Variants in RCBTB1 observed in about 807,000 individuals in gnomAD.
The protein encoded by RCBTB1 is RCC1 and BTB domain-containing protein 1.
A neutral mutation model predicts 62.4 loss-of-function variants in RCBTB1; 46 were observed. That is an observed-to-expected ratio of 0.74 (90% CI 0.58 to 0.94). The LOEUF is 0.94. Among genes scored for constraint, RCBTB1 ranks in the 40% least tolerant of loss-of-function variants. The pLI is 0.00. For synonymous variants in RCBTB1, 222 were observed against 245.8 expected (o/e 0.90, Z 0.91); for missense variants, 565 against 654.9 (o/e 0.86, Z 1.50).
At chr13:49,582,656 T>C (rs960817571) in intron 1 of RCBTB1, among the ~76,000 whole-genome samples, 2 of 152,216 alleles carry the variant, frequency 1.3e-5, no homozygotes, top group Non-Finnish European at 2.9e-5. Flanking sequence ...TCTCATTCTC[T>C]CTCCCCGCTG....
At chr13:49,567,622 C>T (rs141095690) in intron 2 of RCBTB1, among the ~76,000 whole-genome samples, 403 of 152,308 alleles carry the variant, frequency 2.6e-3, no homozygotes, top group African/African-American at 9.0e-3. Context: ...CCTCTAAAAA[C>T]AGCCAAAGCA....
chr13:49,536,506 A>G lies in RCBTB1; in HGVS notation c.1456-2244T>C, dbSNP rs563962179. Among the ~76,000 whole-genome samples the G allele has an allele frequency of 7.0e-4, 107 of 152,322 alleles. 2 individuals are homozygous for G. The South Asian group carries it at 0.022, about 31-fold the overall frequency. On this transcript the variant is annotated intron_variant, in intron 12 of 12. Coordinates refer to ENST00000378302, the MANE Select transcript of RCBTB1 (RefSeq NM_018191.4). ...CATTCTGCAAAGGATCAAATCTTCAATAACAGGCAAGAAAATGCAACTCCT... is the reference window on the plus strand; with the variant it reads ...CATTCTGCAAAGGATCAAATCTTCAGTAACAGGCAAGAAAATGCAACTCCT...
chr13:49,534,508 G>C, intron 12 of RCBTB1, among the ~76,000 whole-genome samples: 1 of 151,362 alleles, frequency 6.6e-6, no homozygotes, highest in Admixed American at 6.6e-5. Flanking sequence ...AAACACACAC[G>C]CGCGCGCACA....
chr13:49,546,383 G>C, intron 9 of RCBTB1: 1 of 984,558 alleles, frequency 1.0e-6, no homozygotes, highest in Non-Finnish European at 1.2e-6. Context: ...AGTTATCTAG[G>C]ACAGCAGTCC....
At chr13:49,573,459 T>TG (rs1963548912) in intron 2 of RCBTB1, among the ~76,000 whole-genome samples, 1 of 151,348 alleles carries the variant, frequency 6.6e-6, no homozygotes, top group Non-Finnish European at 1.5e-5. Context: ...TTTTTTTTTT[T>TG]TTTTTTGAGA....
chr13:49,567,441 T>A, intron 2 of RCBTB1, 121 bp from the exon 3 acceptor site: 2 of 693,362 alleles, frequency 2.9e-6, no homozygotes, highest in East Asian at 2.8e-5. Context: ...CTACCTTTGG[T>A]TACATGGATC....
At chr13:49,556,335 C>A (rs1482574906) in intron 5 of RCBTB1, among the ~76,000 whole-genome samples, 2 of 151,776 alleles carry the variant, frequency 1.3e-5, no homozygotes, top group African/African-American at 2.4e-5. Context: ...GGACGACAGG[C>A]GCCCGCCACC....
chr13:49,560,086 T>A lies in RCBTB1; in HGVS notation c.278-2A>T, dbSNP rs1566246174. 1 of 1,610,436 alleles carries A rather than the reference T, an allele frequency of 6.2e-7. No homozygotes were observed. The highest frequency in any genetic ancestry group is 1.1e-5 in the South Asian group (1 of 90,038). On this transcript the variant is annotated splice_acceptor_variant, in intron 4 of 12. Coordinates refer to ENST00000378302, the MANE Select transcript of RCBTB1 (RefSeq NM_018191.4). LOFTEE classifies it high-confidence loss of function. ...GGCCCCAGGCATAAACCACTCCATC[T>A]GTGCACACAAAGCACACAAAAAATC...
intron 12 of RCBTB1, among the ~76,000 whole-genome samples, chr13:49,535,896 A>G (rs1378021742): frequency 1.3e-5 from 2 of 151,838 alleles, no homozygotes; most frequent in African/African-American, 2.4e-5. Context: ...GGTGGCAAGC[A>G]CCTGTAATCC....
chr13:49,533,787 G>T lies in RCBTB1; in HGVS notation c.*335C>A. The T allele has an allele frequency of 5.9e-6, 1 of 170,664 alleles. No individual in the cohort carries two copies. The highest frequency in any genetic ancestry group is 1.6e-4 in the East Asian group (1 of 6,088). The allele number at this position is 170,664 out of a possible 1,614,324, so 10.6% of individuals were successfully genotyped here. A position where few individuals can be genotyped will look rare whatever the true frequency, so the allele number is the denominator to read the frequency against. On this transcript the variant is annotated 3_prime_UTR_variant, in exon 13 of 13. Coordinates refer to ENST00000378302, the MANE Select transcript of RCBTB1 (RefSeq NM_018191.4). ...TGATACGTGGCCCAGGAGAGTTGCT[G>T]CCAACTTCCCCTTTCCAAGTTCAGA... is the stretch of plus-strand genomic sequence containing the variant.
chr13:49,549,156 T>C (rs1232555071), intron 9 of RCBTB1, among the ~76,000 whole-genome samples: 5 of 147,254 alleles, frequency 3.4e-5, no homozygotes, highest in Non-Finnish European at 7.4e-5. Flanking sequence ...AAAAGGTGGA[T>C]GTACAACATT....
At chr13:49,564,890 CAAAAA>C (rs35078637) in intron 4 of RCBTB1, among the ~76,000 whole-genome samples, 3 of 141,662 alleles carry the variant, frequency 2.1e-5, no homozygotes, top group African/African-American at 5.1e-5. Flanking sequence ...GACTCCGTCT[CAAAAA>C]AAAAAAGAAA....
chr13:49,551,383 C>T lies in RCBTB1; in HGVS notation c.797G>A (p.Gly266Glu), dbSNP rs1198890365. The T allele has an allele frequency of 1.2e-6, 2 of 1,614,208 alleles. No individual in the cohort carries two copies. The highest frequency in any genetic ancestry group is 2.2e-5 in the East Asian group (1 of 44,876). Reference protein sequence around the residue: ...AWGANTYGQLGTGNKNNLLSP... With the variant: ...AWGANTYGQLETGNKNNLLSP... Reference sequence around the variant, plus strand: ...TAGCAGGTTATTTTTATTGCCAGTTCCCAGCTGCCCATATGTGTTAGCTCC... The same window carrying T: ...TAGCAGGTTATTTTTATTGCCAGTTTCCAGCTGCCCATATGTGTTAGCTCC... Residue 266 changes from glycine (G) to glutamate (E), a missense_variant, in exon 8 of 13, where the codon GGA becomes GAA. Physicochemically the swap from Gly to Glu is moderately conservative, Grantham distance 98. Transcript: ENST00000378302.
intron 2 of RCBTB1, among the ~76,000 whole-genome samples, chr13:49,572,285 C>A (rs1379186024): frequency 6.6e-6 from 1 of 151,136 alleles, no homozygotes; most frequent in Admixed American, 6.6e-5. Flanking sequence ...CGAGATCATG[C>A]CACTGCACTC....
chr13:49,573,035 G>T (rs1359070403), intron 2 of RCBTB1, among the ~76,000 whole-genome samples: 1 of 152,032 alleles, frequency 6.6e-6, no homozygotes, highest in Non-Finnish European at 1.5e-5. Context: ...GCTATGGTTT[G>T]TCCAAATTAT....
intron 4 of RCBTB1, among the ~76,000 whole-genome samples, chr13:49,565,206 G>A (rs965379063): frequency 3.3e-5 from 5 of 152,178 alleles, no homozygotes; most frequent in Admixed American, 6.5e-5. Flanking sequence ...TGGTGGAGAC[G>A]GGGTTTCGCT....
intron 12 of RCBTB1, among the ~76,000 whole-genome samples, chr13:49,538,828 T>C (rs957826655): frequency 4.6e-5 from 7 of 152,190 alleles, no homozygotes; most frequent in African/African-American, 1.4e-4. Flanking sequence ...GTCTTCTTTC[T>C]ATTCTCTAAT....
intron 4 of RCBTB1, among the ~76,000 whole-genome samples, chr13:49,564,614 G>A (rs1374097807): frequency 3.5e-4 from 47 of 134,356 alleles, no homozygotes; most frequent in Non-Finnish European, 4.7e-4. Context: ...AAAAAATGCC[G>A]GGCGCGGTGG....
chr13:49,537,351 G>A (rs1386201028), intron 12 of RCBTB1, among the ~76,000 whole-genome samples: 1 of 152,186 alleles, frequency 6.6e-6, no homozygotes, highest in Non-Finnish European at 1.5e-5. Context: ...ACCATATGGA[G>A]AAAACATAAT....
Sources: gnomAD v4.1 joint callset for allele counts (sites outside exome capture counted in the v4.1 genomes callset) on GRCh38, gnomAD v4.1.1 for gene constraint, MANE v1.5 for transcripts, NCBI Gene and HGNC (gene_info 2026-07-23, HGNC 2026-07-21) for gene names.